SORCS2: variants seen among roughly 807,000 people sequenced by gnomAD.
SORCS2 encodes VPS10 domain-containing receptor SorCS2.
Under a neutral mutation model 141.6 loss-of-function variants are expected in SORCS2, and 100 were observed. The observed-to-expected ratio is 0.71, with a 90% CI of 0.60 to 0.83. The LOEUF is 0.83. Ranked by LOEUF, SORCS2 falls within the 40% of genes least tolerant of loss-of-function variation. SORCS2 has a pLI of 0.00. For missense variants in SORCS2, 1,646 were observed against 1,560.2 expected (o/e 1.05, Z -0.93); for synonymous variants, 789 against 676.9 (o/e 1.17, Z -2.57).
chr4:7,571,436 C>T (rs1433215047), intron 3 of SORCS2, among the ~76,000 whole-genome samples: 2 of 152,176 alleles, frequency 1.3e-5, no homozygotes, highest in African/African-American at 4.8e-5. Flanking sequence ...TGAGTTCACT[C>T]CCCCAGTGTT....
intron 25 of SORCS2, 133 bp from the exon 26 acceptor site, chr4:7,736,936 G>C: frequency 8.5e-7 from 1 of 1,173,770 alleles, no homozygotes; most frequent in Non-Finnish European, 1.2e-6. Flanking sequence ...CTTGGGGCTG[G>C]GGTAGGCACC....
At chr4:7,435,637 G>A (rs9998248) in intron 2 of SORCS2, among the ~76,000 whole-genome samples, 6,465 of 152,352 alleles carry the variant, frequency 0.042, 196 homozygotes, top group African/African-American at 0.083. Context: ...TGTAGTAGGC[G>A]TAGATTAAAT....
In SORCS2 at chr4:7,481,674, G is replaced by A. The variant is rs371808560; in HGVS notation, c.549-49856G>A. On this transcript the variant is annotated intron_variant, in intron 2 of 26. Transcript: ENST00000507866. ...ACTCAGGGGCTTCCCTGGAGCCGTA[G>A]GGAAGGGTCTCCTGAGCCTCGGTGG... 5.3e-5 allele frequency among the ~76,000 whole-genome samples: 8 copies of A among 152,218 alleles called. 1 individual carries two copies. Among genetic ancestry groups the A allele is most frequent in the African/African-American group, 1.9e-4 (8 of 41,518 alleles).
At chr4:7,299,273 G>A (rs77916372) in intron 1 of SORCS2, among the ~76,000 whole-genome samples, 3,082 of 152,342 alleles carry the variant, frequency 0.02, 67 homozygotes, top group Middle Eastern at 0.051. Flanking sequence ...AGTGGATGGC[G>A]GGCTGTGCCC....
chr4:7,489,201 G>A (rs1293900493), intron 2 of SORCS2, among the ~76,000 whole-genome samples: 1 of 152,190 alleles, frequency 6.6e-6, no homozygotes, highest in African/African-American at 2.4e-5. Flanking sequence ...TTGACCTTCT[G>A]TCTTTGGGTG....
chr4:7,682,680 G>A, intron 9 of SORCS2, 63 bp from the exon 10 acceptor site: 1 of 1,511,374 alleles, frequency 6.6e-7, no homozygotes, highest in Non-Finnish European at 9.0e-7. Flanking sequence ...GGAGCATGGT[G>A]GATACTTGGT....
At chr4:7,579,625 A>G (rs1459053915) in intron 3 of SORCS2, among the ~76,000 whole-genome samples, 1 of 152,174 alleles carries the variant, frequency 6.6e-6, no homozygotes, top group Non-Finnish European at 1.5e-5. Context: ...AAGACATGGA[A>G]TCAAGCCACT....
At chr4:7,361,849 A>C (rs1472067958) in intron 1 of SORCS2, among the ~76,000 whole-genome samples, 1 of 143,946 alleles carries the variant, frequency 6.9e-6, no homozygotes, top group African/African-American at 2.5e-5. Context: ...AGGTGCTCAG[A>C]GAAGCTTCTG....
chr4:7,327,186 C>T (rs774577052), intron 1 of SORCS2, among the ~76,000 whole-genome samples: 2 of 152,240 alleles, frequency 1.3e-5, no homozygotes, highest in Non-Finnish European at 2.9e-5. Flanking sequence ...AGAAATGCAT[C>T]CTCTTCCTGT....
At chr4:7,291,976 G>C (rs796157702) in intron 1 of SORCS2, among the ~76,000 whole-genome samples, 14 of 152,372 alleles carry the variant, frequency 9.2e-5, no homozygotes, top group African/African-American at 3.4e-4. Context: ...GATGGTAGGA[G>C]ATGGTGTAGG....
intron 2 of SORCS2, among the ~76,000 whole-genome samples, chr4:7,473,734 G>A (rs1730120874): frequency 6.6e-6 from 1 of 151,838 alleles, no homozygotes; most frequent in African/African-American, 2.4e-5. Context: ...GGGAGGCTGT[G>A]ACTTGGCAAT....
intron 3 of SORCS2, among the ~76,000 whole-genome samples, chr4:7,574,872 G>T (rs1221626301): frequency 1.3e-5 from 2 of 152,220 alleles, no homozygotes; most frequent in East Asian, 3.9e-4. Flanking sequence ...CTCTGTGTCT[G>T]TTAGCCCAGC....
At chr4:7,309,427 G>A (rs1577382505) in intron 1 of SORCS2, among the ~76,000 whole-genome samples, 1 of 152,122 alleles carries the variant, frequency 6.6e-6, no homozygotes, top group African/African-American at 2.4e-5. Context: ...AGAACGCTGA[G>A]GCCTTTCCCT....
At chr4:7,475,129 G>A (rs938010094) in intron 2 of SORCS2, among the ~76,000 whole-genome samples, 1 of 152,102 alleles carries the variant, frequency 6.6e-6, no homozygotes, top group Non-Finnish European at 1.5e-5. Flanking sequence ...TACCTTTTAG[G>A]GGCACCCGAT....
At chr4:7,547,193 C>T (rs778173050) in intron 3 of SORCS2, among the ~76,000 whole-genome samples, 9 of 152,196 alleles carry the variant, frequency 5.9e-5, no homozygotes, top group Non-Finnish European at 1.3e-4. Context: ...TCTCATTCAT[C>T]CTGGACACCC....
At chr4:7,618,423 G>A (rs1478893543) in intron 3 of SORCS2, among the ~76,000 whole-genome samples, 2 of 152,140 alleles carry the variant, frequency 1.3e-5, no homozygotes, top group Non-Finnish European at 2.9e-5. Flanking sequence ...ATTCACCAGG[G>A]AAATCAGGTT....
chr4:7,529,069 TTGCATC>T (rs1733868635), intron 2 of SORCS2, among the ~76,000 whole-genome samples: 1 of 152,168 alleles, frequency 6.6e-6, no homozygotes, highest in South Asian at 2.1e-4. Context: ...TCTTAACTAA[TTGCATC>T]TGCAGAGACC....
In SORCS2 at chr4:7,630,660, G is replaced by T. The variant is rs189954198; in HGVS notation, c.649-7668G>T. ...TGCATTCAGCCACAGGGGAAGCGCCGGGTGGAAGAATGCTTTCTGCTCATT... is the reference window on the plus strand; with the variant it reads ...TGCATTCAGCCACAGGGGAAGCGCCTGGTGGAAGAATGCTTTCTGCTCATT... On this transcript the variant is annotated intron_variant, in intron 3 of 26. Coordinates refer to ENST00000507866, the MANE Select transcript of SORCS2 (RefSeq NM_020777.3). 3.9e-5 allele frequency among the ~76,000 whole-genome samples: 6 copies of T among 152,336 alleles called. No individual in the cohort carries two copies. The South Asian group carries it at 1.2e-3, about 32-fold the overall frequency.
At chr4:7,621,255 C>A (rs1328049226) in intron 3 of SORCS2, among the ~76,000 whole-genome samples, 1 of 152,206 alleles carries the variant, frequency 6.6e-6, no homozygotes, top group African/African-American at 2.4e-5. Flanking sequence ...CGAAGCCTTC[C>A]TCTCCCACTC....
Sources: gnomAD v4.1 joint callset for allele counts (sites outside exome capture counted in the v4.1 genomes callset) on GRCh38, gnomAD v4.1.1 for gene constraint, MANE v1.5 for transcripts, NCBI Gene and HGNC (gene_info 2026-07-23, HGNC 2026-07-21) for gene names.